LDHAL6B: variants seen among roughly 807,000 people sequenced by gnomAD.
LDHAL6B encodes lactate dehydrogenase A like 6B, also known as L-lactate dehydrogenase A-like 6B.
For missense variants in LDHAL6B, 523 were observed against 473.9 expected, an observed-to-expected ratio of 1.10 and a Z score of -0.96; for synonymous variants, 205 against 170.6, an observed-to-expected ratio of 1.20 and a Z score of -1.57.
At position 59,207,017 on chromosome 15, in the gene LDHAL6B, T is replaced by C. The variant is rs2079839913; in HGVS notation, c.77T>C (p.Met26Thr). The C allele has an allele frequency of 6.2e-7, 1 of 1,614,110 alleles. No homozygotes were observed. The highest frequency in any genetic ancestry group is 1.1e-5 in the South Asian group (1 of 91,092). Reference protein sequence around the residue: ...SVGANFLCLGMALCPRQATRI... With the variant: ...SVGANFLCLGTALCPRQATRI... ...GGAGCGAATTTCCTATGCCTGGGGA[T>C]GGCCCTGTGTCCGCGTCAAGCAACG... The change falls in exon 1 of 1, where the codon ATG becomes ACG. Residue 26 changes from methionine (M) to threonine (T), a missense_variant. Coordinates refer to ENST00000307144, the MANE Select transcript of LDHAL6B (RefSeq NM_033195.3).
At position 59,207,267 on chromosome 15, in the gene LDHAL6B, T is replaced by G. The variant is rs745523739; in HGVS notation, c.327T>G (p.Gly109=). Residue 109 remains glycine, a synonymous_variant, in exon 1 of 1, where the codon GGT becomes GGG. Transcript: ENST00000307144. ...ATCTTGATGAAGACAAACTGAAGGG[T>G]GAGACGATGGATCTTCAACATGGCA... The part of the protein sequence containing the change: ...LVDLDEDKLK[G]ETMDLQHGSP... The G allele has an allele frequency of 1.9e-6, 3 of 1,614,110 alleles. No individual in the cohort carries two copies. The highest frequency in any genetic ancestry group is 2.5e-6 in the Non-Finnish European group (3 of 1,180,022).
rs1366722646 is a variant in LDHAL6B at position 59,208,439 on chromosome 15, T to C, written c.*353T>C. The C allele has an allele frequency of 5.0e-6, 3 of 601,372 alleles. No homozygotes were observed. Among genetic ancestry groups the C allele is most frequent in the Non-Finnish European group, 9.0e-6 (3 of 334,342 alleles). 37.3% of individuals were successfully genotyped at this position (601,372 alleles called of 1,614,324 possible). A position where few individuals can be genotyped will look rare whatever the true frequency, so the allele number is the denominator to read the frequency against. On this transcript the variant is annotated 3_prime_UTR_variant, in exon 1 of 1. Transcript: ENST00000307144. ...TATTTCTTTCATTCTTGCTGGTTTA[T>C]ACCTATGTTCATTTATATGCTGTAA... is the stretch of plus-strand genomic sequence containing the variant.
Position 59,208,450 on chromosome 15 carries a change from A to G in LDHAL6B, c.*364A>G. 1 of 613,466 alleles carries G rather than the reference A, an allele frequency of 1.6e-6. No individual in the cohort carries two copies. The highest frequency in any genetic ancestry group is 1.9e-5 in the African/African-American group (1 of 53,990). 38.0% of individuals were successfully genotyped at this position (613,466 alleles called of 1,614,324 possible). A position where few individuals can be genotyped will look rare whatever the true frequency, so the allele number is the denominator to read the frequency against. The stretch of plus-strand genomic sequence containing the variant: ...TTCTTGCTGGTTTATACCTATGTTC[A>G]TTTATATGCTGTAAAAAAGTAGTAG... On this transcript the variant is annotated 3_prime_UTR_variant, in exon 1 of 1. Coordinates refer to ENST00000307144, the MANE Select transcript of LDHAL6B (RefSeq NM_033195.3).
At position 59,208,554 on chromosome 15, in the gene LDHAL6B, A is replaced by T; in HGVS notation, c.*468A>T. ...ACAATCTTTTGTTTTGCTTCCTTTG[A>T]TAGTTAATAAATTCCGTTTGTTGAA... On this transcript the variant is annotated 3_prime_UTR_variant, in exon 1 of 1. Transcript: ENST00000307144. 8.4e-7 allele frequency: 1 copy of T among 1,184,570 alleles called. No individual in the cohort carries two copies. The highest frequency in any genetic ancestry group is 1.3e-6 in the Non-Finnish European group (1 of 797,298). 73.4% of individuals were successfully genotyped at this position (1,184,570 alleles called of 1,614,324 possible). A position where few individuals can be genotyped will look rare whatever the true frequency, so the allele number is the denominator to read the frequency against.
In LDHAL6B at chr15:59,208,112, A is replaced by G; in HGVS notation, c.*26A>G. ...AGTTGCCTAAAACTACCATTCCGAA[A>G]TTATTGAAGAGATCATAGATACAGG... On this transcript the variant is annotated 3_prime_UTR_variant, in exon 1 of 1. Coordinates refer to ENST00000307144, the MANE Select transcript of LDHAL6B (RefSeq NM_033195.3). 1 of 1,534,164 alleles carries G rather than the reference A, an allele frequency of 6.5e-7. No homozygotes were observed. Among genetic ancestry groups the G allele is most frequent in the Non-Finnish European group, 8.7e-7 (1 of 1,145,900 alleles).
chr15:59,208,549 C>G lies in LDHAL6B; in HGVS notation c.*463C>G. On this transcript the variant is annotated 3_prime_UTR_variant, in exon 1 of 1. Transcript: ENST00000307144. Reference sequence around the variant, plus strand: ...TATATACAATCTTTTGTTTTGCTTCCTTTGATAGTTAATAAATTCCGTTTG... The same window carrying G: ...TATATACAATCTTTTGTTTTGCTTCGTTTGATAGTTAATAAATTCCGTTTG... The G allele has an allele frequency of 8.6e-7, 1 of 1,161,684 alleles. No individual in the cohort carries two copies. Among genetic ancestry groups the G allele is most frequent in the East Asian group, 2.4e-5 (1 of 41,722 alleles). 72.0% of individuals were successfully genotyped at this position (1,161,684 alleles called of 1,614,324 possible). A position where few individuals can be genotyped will look rare whatever the true frequency, so the allele number is the denominator to read the frequency against.
At position 59,208,193 on chromosome 15, in the gene LDHAL6B, G is replaced by A; in HGVS notation, c.*107G>A. On this transcript the variant is annotated 3_prime_UTR_variant, in exon 1 of 1. Coordinates refer to ENST00000307144, the MANE Select transcript of LDHAL6B (RefSeq NM_033195.3). ...ATTCCTAAAAGATGGAAACAGGAAA[G>A]TAGGTAGAGTGATTTTCCTATTTAT... 9.9e-7 allele frequency: 1 copy of A among 1,013,198 alleles called. No individual in the cohort carries two copies. Among genetic ancestry groups the A allele is most frequent in the Non-Finnish European group, 1.4e-6 (1 of 703,160 alleles). The allele number at this position is 1,013,198 out of a possible 1,614,324, so 62.8% of individuals were successfully genotyped here. A position where few individuals can be genotyped will look rare whatever the true frequency, so the allele number is the denominator to read the frequency against.
At chr15:59,207,406 CTTAA>C in the LDHAL6B span, 2 of 1,614,042 alleles carry the variant, frequency 1.2e-6, no homozygotes, top group Non-Finnish European at 1.7e-6. Context: ...AGAAACGCGC[CTTAA>C]TTTAGTCCAG....
At position 59,206,957 on chromosome 15, in the gene LDHAL6B, C is replaced by G; in HGVS notation, c.17C>G (p.Pro6Arg). ...TGAGCAGCCATGAGTTGGACTGTGCCTGTTGTGCGGGCCAGCCAGAGAGTG... is the reference window on the plus strand; with the variant it reads ...TGAGCAGCCATGAGTTGGACTGTGCGTGTTGTGCGGGCCAGCCAGAGAGTG... MSWTVPVVRASQRVSS... is the reference protein window; with the variant it reads MSWTVRVVRASQRVSS... The change falls in exon 1 of 1, where the codon CCT (proline) becomes CGT (arginine). Residue 6 changes from proline (P) to arginine (R), a missense_variant. Physicochemically the swap from Pro to Arg is moderately radical, Grantham distance 103 (BLOSUM62 -2). Transcript: ENST00000307144. The G allele has an allele frequency of 6.2e-7, 1 of 1,613,682 alleles. No homozygotes were observed. The highest frequency in any genetic ancestry group is 1.1e-5 in the South Asian group (1 of 90,992).
chr15:59,208,337 G>A lies in LDHAL6B; in HGVS notation c.*251G>A. On this transcript the variant is annotated 3_prime_UTR_variant, in exon 1 of 1. Coordinates refer to ENST00000307144, the MANE Select transcript of LDHAL6B (RefSeq NM_033195.3). The stretch of plus-strand genomic sequence containing the variant: ...TTGCCATGTTATATATATGTAGTTG[G>A]CATTTGGTTCCCAAAAAGTAGGATG... 1 of 555,996 alleles carries A rather than the reference G, an allele frequency of 1.8e-6. No individual in the cohort carries two copies. The highest frequency in any genetic ancestry group is 3.2e-6 in the Non-Finnish European group (1 of 310,720). 34.4% of individuals were successfully genotyped at this position (555,996 alleles called of 1,614,324 possible).
Position 59,207,729 on chromosome 15 carries a change from G to C in LDHAL6B, c.789G>C (p.Leu263=), listed in dbSNP as rs750351304. The change falls in exon 1 of 1, where the codon CTG becomes CTC. Residue 263 remains leucine (L), a synonymous_variant. Coordinates refer to ENST00000307144, the MANE Select transcript of LDHAL6B (RefSeq NM_033195.3). ...TAGCTGGTGTCCCTTTGAAGGATCT[G>C]AACTCTGATATAGGAACTGATAAAG... ...VNIAGVPLKD[L]NSDIGTDKDP... is the part of the protein sequence containing the mutation. 1.9e-6 allele frequency: 3 copies of C among 1,614,154 alleles called. No homozygotes were observed. Among genetic ancestry groups the C allele is most frequent in the Non-Finnish European group, 2.5e-6 (3 of 1,180,020 alleles).
In LDHAL6B at chr15:59,208,194, T is replaced by TA. The variant is rs2062197259; in HGVS notation, c.*109dup. 1 of 1,015,458 alleles carries TA rather than the reference T, an allele frequency of 9.8e-7. No individual in the cohort carries two copies. 62.9% of individuals were successfully genotyped at this position (1,015,458 alleles called of 1,614,324 possible). A position where few individuals can be genotyped will look rare whatever the true frequency, so the allele number is the denominator to read the frequency against. On this transcript the variant is annotated 3_prime_UTR_variant, in exon 1 of 1. Transcript: ENST00000307144. Reference sequence around the variant, plus strand: ...TTCCTAAAAGATGGAAACAGGAAAGTAGGTAGAGTGATTTTCCTATTTATT... The same window carrying TA: ...TTCCTAAAAGATGGAAACAGGAAAGTAAGGTAGAGTGATTTTCCTATTTATT...
At position 59,208,155 on chromosome 15, in the gene LDHAL6B, T is replaced by C; in HGVS notation, c.*69T>C. 1 of 1,320,720 alleles carries C rather than the reference T, an allele frequency of 7.6e-7. No homozygotes were observed. The highest frequency in any genetic ancestry group is 1.9e-4 in the Middle Eastern group (1 of 5,214). 81.8% of individuals were successfully genotyped at this position (1,320,720 alleles called of 1,614,324 possible). On this transcript the variant is annotated 3_prime_UTR_variant, in exon 1 of 1. Transcript: ENST00000307144. ...GATACAGGATTATATAACGAAATTT[T>C]GAATAAACTTGAATTCCTAAAAGAT...
rs139039522 is a variant in LDHAL6B at position 59,207,760 on chromosome 15, G to A, written c.820G>A (p.Glu274Lys). ...NSDIGTDKDP[E>K]QWKNVHKEVT... ...TGATATAGGAACTGATAAAGATCCT[G>A]AGCAATGGAAAAATGTCCACAAAGA... is the stretch of plus-strand genomic sequence containing the variant. The change falls in exon 1 of 1, where the codon GAG (glutamate) becomes AAG (lysine). Residue 274 changes from glutamate to lysine, a missense_variant. Transcript: ENST00000307144. 185 of 1,614,170 alleles carry A rather than the reference G, an allele frequency of 1.1e-4. No homozygotes were observed. The Middle Eastern group carries it at 1.6e-3, about 14-fold the overall frequency.
At position 59,207,707 on chromosome 15, in the gene LDHAL6B, C is replaced by A; in HGVS notation, c.767C>A (p.Ala256Asp). ...CCTGTGTGGAGTGGAGTGAACATAG[C>A]TGGTGTCCCTTTGAAGGATCTGAAC... ...SVPVWSGVNI[A>D]GVPLKDLNSD... Residue 256 changes from alanine to aspartate, a missense_variant, in exon 1 of 1, where the codon GCT becomes GAT. By Grantham distance (126) the Ala-to-Asp change is moderately radical. Coordinates refer to ENST00000307144, the MANE Select transcript of LDHAL6B (RefSeq NM_033195.3). The A allele has an allele frequency of 6.2e-7, 1 of 1,614,154 alleles. No individual in the cohort carries two copies. The highest frequency in any genetic ancestry group is 8.5e-7 in the Non-Finnish European group (1 of 1,180,028).
Position 59,208,035 on chromosome 15 carries a change from G to T in LDHAL6B, c.1095G>T (p.Leu365=). ...IKLTPEEEAH[L]KKSAKTLWEI... ...TGACCCCTGAAGAAGAGGCCCATCTGAAAAAAAGTGCAAAAACACTCTGGG... is the reference window on the plus strand; with the variant it reads ...TGACCCCTGAAGAAGAGGCCCATCTTAAAAAAAGTGCAAAAACACTCTGGG... Residue 365 remains leucine, a synonymous_variant, in exon 1 of 1, where the codon CTG becomes CTT. Coordinates refer to ENST00000307144, the MANE Select transcript of LDHAL6B (RefSeq NM_033195.3). 1 of 1,587,624 alleles carries T rather than the reference G, an allele frequency of 6.3e-7. No homozygotes were observed. Among genetic ancestry groups the T allele is most frequent in the Admixed American group, 1.9e-5 (1 of 51,402 alleles).
rs768447612 is a variant in LDHAL6B at position 59,207,030 on chromosome 15, G to A, written c.90G>A (p.Pro30=). ...NFLCLGMALC[P]RQATRIPLNG... is the part of the protein sequence containing the mutation. ...TATGCCTGGGGATGGCCCTGTGTCC[G>A]CGTCAAGCAACGCGCATCCCGCTCA... The change falls in exon 1 of 1, where the codon CCG becomes CCA. Residue 30 remains proline, a synonymous_variant. Coordinates refer to ENST00000307144, the MANE Select transcript of LDHAL6B (RefSeq NM_033195.3). 2.5e-6 allele frequency: 4 copies of A among 1,614,120 alleles called. No individual in the cohort carries two copies. The highest frequency in any genetic ancestry group is 1.1e-5 in the South Asian group (1 of 91,094).
rs200841152 is a variant in LDHAL6B at position 59,207,866 on chromosome 15, C to T, written c.926C>T (p.Thr309Ile). Residue 309 changes from threonine to isoleucine, a missense_variant, in exon 1 of 1, where the codon ACA (threonine) becomes ATA (isoleucine). Coordinates refer to ENST00000307144, the MANE Select transcript of LDHAL6B (RefSeq NM_033195.3). The stretch of plus-strand genomic sequence containing the variant: ...ATTGGCCTATCTGTGGCCGATTTAA[C>T]AGAAAGTATTTTGAAGAATCTTAGG... Reference protein sequence around the residue: ...WAIGLSVADLTESILKNLRRI... With the variant: ...WAIGLSVADLIESILKNLRRI... 32 of 1,614,170 alleles carry T rather than the reference C, an allele frequency of 2.0e-5. No individual in the cohort carries two copies. The highest frequency in any genetic ancestry group is 1.7e-5 in the Non-Finnish European group (20 of 1,180,026).
rs2079838150 is a variant in LDHAL6B, at chr15:59,206,877, C to T, written c.-64C>T. ...AAGGTCCTGCCAACGGCTCTCTTGG[C>T]GTCTCAACGTTCGGATCAGCAGCTT... On this transcript the variant is annotated 5_prime_UTR_variant, in exon 1 of 1. Coordinates refer to ENST00000307144, the MANE Select transcript of LDHAL6B (RefSeq NM_033195.3). 4 of 1,506,946 alleles carry T rather than the reference C, an allele frequency of 2.7e-6. No individual in the cohort carries two copies. Among genetic ancestry groups the T allele is most frequent in the African/African-American group, 1.4e-5 (1 of 72,276 alleles). The allele number at this position is 1,506,946 out of a possible 1,614,324, so 93.3% of individuals were successfully genotyped here. A position where few individuals can be genotyped will look rare whatever the true frequency, so the allele number is the denominator to read the frequency against.
Sources: gnomAD v4.1 joint callset for allele counts on GRCh38, gnomAD v4.1.1 for gene constraint, MANE v1.5 for transcripts, NCBI Gene and HGNC (gene_info 2026-07-23, HGNC 2026-07-21) for gene names.